The following DAPK1 variants were observed in gnomAD, a reference collection of about 807,000 sequenced individuals.
The protein encoded by DAPK1 is death associated protein kinase 1, also known as death-associated protein kinase 1.
Under a neutral mutation model 144.9 loss-of-function variants are expected in DAPK1, and 56 were observed. The ratio of observed to expected loss-of-function variants is 0.39; its 90% confidence interval spans 0.31 to 0.48. The LOEUF (loss-of-function observed/expected upper bound fraction) is 0.48. Among genes scored for constraint, DAPK1 ranks in the 20% least tolerant of loss-of-function variants. DAPK1 has a pLI of 0.95. For synonymous variants in DAPK1, 690 were observed against 749.0 expected (o/e 0.92, Z 1.29); for missense variants, 1,454 against 1,875.4 (o/e 0.78, Z 4.15).
chr9:87,579,473 C>A (rs1313702635), intron 2 of DAPK1, among the ~76,000 whole-genome samples: 1 of 152,180 alleles, frequency 6.6e-6, no homozygotes, highest in Non-Finnish European at 1.5e-5. Flanking sequence ...AGAAGAAGCT[C>A]TGTGCCGGAA....
At chr9:87,519,748 G>A (rs556330157) in intron 2 of DAPK1, among the ~76,000 whole-genome samples, 1 of 152,280 alleles carries the variant, frequency 6.6e-6, no homozygotes, top group Non-Finnish European at 1.5e-5. Context: ...CTTTTTCCAT[G>A]ACAATGAGGT....
intron 2 of DAPK1, among the ~76,000 whole-genome samples, chr9:87,545,596 G>C (rs938611554): frequency 9.9e-5 from 15 of 152,110 alleles, no homozygotes; most frequent in African/African-American, 3.6e-4. Context: ...ACCCAGGCTG[G>C]AGTGCAATAG....
intron 2 of DAPK1, among the ~76,000 whole-genome samples, chr9:87,597,282 C>G (rs1049741453): frequency 2.6e-5 from 4 of 152,178 alleles, no homozygotes; most frequent in Non-Finnish European, 5.9e-5. Flanking sequence ...CTGTCTGCTT[C>G]CCATCACCTA....
chr9:87,700,125 A>G lies in DAPK1; in HGVS notation c.2759A>G (p.Asn920Ser). The G allele has an allele frequency of 6.2e-7, 1 of 1,612,354 alleles. No homozygotes were observed. The highest frequency in any genetic ancestry group is 8.5e-7 in the Non-Finnish European group (1 of 1,178,332). The change falls in exon 24 of 26, where the codon AAT becomes AGT. Residue 920 changes from asparagine (N) to serine (S), a missense_variant. This residue lies in a region of DAPK1 where 1,025 missense variants were observed against 1,237.9 expected (regional missense o/e 0.83). Transcript: ENST00000408954. ...TGCTGCTCTTCCCTTAGGTTTGGAA[A>G]TGATCTTCACATTTCAAATAAGCTG... ...LLKEIRNRFG[N>S]DLHISNKLFV...
At chr9:87,634,358 CT>C (rs1317575229) in intron 3 of DAPK1, among the ~76,000 whole-genome samples, 1 of 152,170 alleles carries the variant, frequency 6.6e-6, no homozygotes, top group East Asian at 1.9e-4. Context: ...GCCTTCCTTG[CT>C]CGAGGCTCCT....
At chr9:87,592,434 T>G (rs1828171495) in intron 2 of DAPK1, among the ~76,000 whole-genome samples, 1 of 152,222 alleles carries the variant, frequency 6.6e-6, no homozygotes, top group South Asian at 2.1e-4. Context: ...ATTCCACACT[T>G]TTTTGGAAGC....
intron 25 of DAPK1, among the ~76,000 whole-genome samples, chr9:87,703,733 T>TA (rs1825539241): frequency 6.6e-6 from 1 of 152,110 alleles, no homozygotes; most frequent in Non-Finnish European, 1.5e-5. Context: ...AGATGCACAT[T>TA]AAAAAACTCT....
At chr9:87,640,737 G>A (rs1809131643) in intron 8 of DAPK1, 65 bp from the exon 9 acceptor site, 1 of 1,561,494 alleles carries the variant, frequency 6.4e-7, no homozygotes, top group Non-Finnish European at 8.8e-7. Flanking sequence ...CAGCCAGCAT[G>A]AAAACAACCT....
chr9:87,508,893 A>G (rs993155619), intron 2 of DAPK1, among the ~76,000 whole-genome samples: 2 of 152,228 alleles, frequency 1.3e-5, no homozygotes, highest in East Asian at 1.9e-4. Context: ...AAGTGGCGGA[A>G]GGATACCATG....
At chr9:87,533,687 G>C (rs1199687133) in intron 2 of DAPK1, among the ~76,000 whole-genome samples, 1 of 150,856 alleles carries the variant, frequency 6.6e-6, no homozygotes. Context: ...TTTTGAGATG[G>C]AGTCTCACTC....
chr9:87,634,439 G>A (rs1236566243), intron 3 of DAPK1, among the ~76,000 whole-genome samples: 4 of 152,124 alleles, frequency 2.6e-5, no homozygotes, highest in African/African-American at 4.8e-5. Context: ...TGGCATCGTC[G>A]TACTTCTTGC....
chr9:87,641,433 G>C (rs1830089038), intron 9 of DAPK1, among the ~76,000 whole-genome samples: 2 of 152,188 alleles, frequency 1.3e-5, no homozygotes, highest in Non-Finnish European at 2.9e-5. Flanking sequence ...GAACATCACA[G>C]AATCAGGCTC....
At chr9:87,549,990 C>T (rs7862605) in intron 2 of DAPK1, among the ~76,000 whole-genome samples, 33,980 of 152,002 alleles carry the variant, frequency 0.22, 4,467 homozygotes, top group Non-Finnish European at 0.31. Flanking sequence ...GTGTCATTTC[C>T]TAGAGCTCGG....
chr9:87,700,052 GC>G, intron 23 of DAPK1, 64 bp from the exon 24 acceptor site: 1 of 1,414,238 alleles, frequency 7.1e-7, no homozygotes, highest in Non-Finnish European at 1.0e-6. Context: ...TAGGAGCCTG[GC>G]CCCTCCATTA....
chr9:87,707,239 G>C lies in DAPK1; in HGVS notation c.4168G>C (p.Asp1390His). 4 of 1,614,192 alleles carry C rather than the reference G, an allele frequency of 2.5e-6. No individual in the cohort carries two copies. Among genetic ancestry groups the C allele is most frequent in the Non-Finnish European group, 3.4e-6 (4 of 1,180,028 alleles). The change falls in exon 26 of 26, where the codon GAC becomes CAC. Residue 1390 changes from aspartate to histidine, a missense_variant. Asp to His is a moderately conservative substitution (Grantham distance 81). Transcript: ENST00000408954. This position sits in a 1 kb window ranked among gnomAD's most constrained non-coding sequence, Gnocchi z 4.0. ...LRELGRRDAADFLLKASSVFK... is the reference protein window; with the variant it reads ...LRELGRRDAAHFLLKASSVFK... ...GGAGCTGGGTCGCCGGGATGCCGCA[G>C]ACTTTTTGCTGAAGGCATCCTCTGT...
intron 11 of DAPK1, among the ~76,000 whole-genome samples, chr9:87,643,741 A>AC (rs1490864341): frequency 6.6e-5 from 10 of 151,580 alleles, no homozygotes; most frequent in Non-Finnish European, 1.3e-4. Flanking sequence ...AGCACAGACC[A>AC]CCCCCGCAAC....
At chr9:87,663,163 A>G (rs1587823929) in intron 18 of DAPK1, among the ~76,000 whole-genome samples, 1 of 150,298 alleles carries the variant, frequency 6.7e-6, no homozygotes, top group East Asian at 2.0e-4. Flanking sequence ...TGCCTCCCCT[A>G]CTCCTGCACC....
intron 17 of DAPK1, among the ~76,000 whole-genome samples, chr9:87,655,501 G>A (rs1830601419): frequency 6.6e-6 from 1 of 152,160 alleles, no homozygotes; most frequent in Admixed American, 6.5e-5. Context: ...GCGTGGGGTG[G>A]CATCCACATT....
Position 87,707,391 on chromosome 9 carries a change from T to C in DAPK1, c.*27T>C. The C allele has an allele frequency of 2.0e-6, 3 of 1,511,176 alleles. No individual in the cohort carries two copies. The highest frequency in any genetic ancestry group is 2.7e-5 in the African/African-American group (2 of 72,798). The allele number at this position is 1,511,176 out of a possible 1,614,324, so 93.6% of individuals were successfully genotyped here. ...GGCAGCCTCTGGCTTGGGCAGGGTC[T>C]GTTTGGACTGCAGAAGCAAGGGGGT... On this transcript the variant is annotated 3_prime_UTR_variant, in exon 26 of 26. Coordinates refer to ENST00000408954, the MANE Select transcript of DAPK1 (RefSeq NM_004938.4). This position sits in a 1 kb window ranked among gnomAD's most constrained non-coding sequence, Gnocchi z 4.0.
Sources: gnomAD v4.1 joint callset for allele counts (sites outside exome capture counted in the v4.1 genomes callset) on GRCh38, gnomAD v4.1.1 for gene constraint, gnomAD v4.1.1 regional missense constraint, Gnocchi (gnomAD v3.1) non-coding constraint, MANE v1.5 for transcripts, NCBI Gene and HGNC (gene_info 2026-07-23, HGNC 2026-07-21) for gene names.